The following PCLO variants were observed in gnomAD, a reference collection of about 807,000 sequenced individuals.
The protein encoded by PCLO is piccolo presynaptic cytomatrix protein.
PCLO carries 82 observed loss-of-function variants against 427.5 expected under a neutral mutation model. The ratio of observed to expected loss-of-function variants is 0.19; its 90% CI spans 0.16 to 0.23. The LOEUF is 0.23. Among genes scored for constraint, PCLO ranks in the 10% least tolerant of loss-of-function variants. The probability of loss-of-function intolerance (pLI) is 1.00; values close to 1 mark genes in which losing one functional copy is unlikely to be tolerated. For missense variants in PCLO, 6,239 were observed against 6,115.9 expected, an observed-to-expected ratio of 1.02 and a Z score of -0.67; for synonymous variants, 2,357 against 2,155.4, an observed-to-expected ratio of 1.09 and a Z score of -2.59.
At chr7:83,061,594 A>G (rs1479421120) in intron 3 of PCLO, among the ~76,000 whole-genome samples, 1 of 152,206 alleles carries the variant, frequency 6.6e-6, no homozygotes, top group East Asian at 1.9e-4. Flanking sequence ...AATTCTTTCT[A>G]TCACAAGTGG....
Position 82,955,980 on chromosome 7 carries a change from A to T in PCLO, c.4973T>A (p.Val1658Asp), listed in dbSNP as rs755899427. Residue 1658 changes from valine to aspartate, a missense_variant, in exon 5 of 25, where the codon GTT becomes GAT. Around this residue, in one of 5 missense-constraint regions of PCLO, gnomAD observed 4,677 missense variants for 4,468.4 expected, o/e 1.05. Transcript: ENST00000333891. ...TCGGCGTAGCCCTCCTCCTCCAGTA[A>T]CTACAAGTTCTTCACTTTCCTGACT... is the stretch of plus-strand genomic sequence containing the variant. Reference protein sequence around the residue: ...TKSQESEELVVTGGGGLRRFK... With the variant: ...TKSQESEELVDTGGGGLRRFK... 1.2e-6 allele frequency: 2 copies of T among 1,613,542 alleles called. No homozygotes were observed. Among genetic ancestry groups the T allele is most frequent in the Non-Finnish European group, 1.7e-6 (2 of 1,179,830 alleles).
rs779528885 is a variant in PCLO at position 82,997,433 on chromosome 7, T to A, written c.3301-30946A>T. Among the ~76,000 whole-genome samples the A allele has an allele frequency of 8.4e-4, 127 of 152,014 alleles. 1 individual carries two copies. Among genetic ancestry groups the A allele is most frequent in the Non-Finnish European group, 1.5e-3 (103 of 67,974 alleles). ...GTTTACAGAAAAAAATGGAAAAAAA[T>A]TACTTTTGTCTTTCTTGTTATGTTT... On this transcript the variant is annotated intron_variant, in intron 3 of 24. Coordinates refer to ENST00000333891, the MANE Select transcript of PCLO (RefSeq NM_033026.6).
intron 3 of PCLO, among the ~76,000 whole-genome samples, chr7:83,109,523 C>T (rs575460885): frequency 6.6e-6 from 1 of 152,242 alleles, no homozygotes; most frequent in South Asian, 2.1e-4. Flanking sequence ...AGCTGTCTGG[C>T]TTCATGGAAA....
chr7:82,951,748 G>C, intron 5 of PCLO, 108 bp downstream of exon 5: 1 of 1,438,828 alleles, frequency 7.0e-7, no homozygotes, highest in African/African-American at 1.4e-5. Flanking sequence ...TCCAAAGAAA[G>C]AGAAAAAGTA....
chr7:83,020,614 C>G (rs1788319944), intron 3 of PCLO, among the ~76,000 whole-genome samples: 2 of 152,050 alleles, frequency 1.3e-5, no homozygotes, highest in Admixed American at 6.6e-5. Context: ...AATGCTTGTG[C>G]CTTGATCTTG....
chr7:82,828,933 T>C (rs571155976), intron 16 of PCLO, among the ~76,000 whole-genome samples: 1 of 152,282 alleles, frequency 6.6e-6, no homozygotes, highest in African/African-American at 2.4e-5. Context: ...TCTTGACATG[T>C]GTCTGGATTT....
At chr7:83,035,646 T>A (rs1788775651) in intron 3 of PCLO, among the ~76,000 whole-genome samples, 1 of 152,170 alleles carries the variant, frequency 6.6e-6, no homozygotes, top group Non-Finnish European at 1.5e-5. Flanking sequence ...ACTAGTTACT[T>A]TATTAATCAA....
In PCLO at chr7:82,955,472, AG is replaced by A; in HGVS notation, c.5480del (p.Pro1827LeufsTer37). On this transcript the variant is annotated frameshift_variant, in exon 5 of 25. Coordinates refer to ENST00000333891, the MANE Select transcript of PCLO (RefSeq NM_033026.6). LOFTEE classifies it high-confidence loss of function. ...CATCTTCAATGGGAGAGAGATTACT[AG>A]GTGGTGTCTTTGGCCTTTCCCTTCT... ...QRRRERPKTP[P>X]SNLSPIEDAS... 1 of 1,613,692 alleles carries A rather than the reference AG, an allele frequency of 6.2e-7. No homozygotes were observed. Among genetic ancestry groups the A allele is most frequent in the Non-Finnish European group, 8.5e-7 (1 of 1,179,816 alleles).
intron 3 of PCLO, among the ~76,000 whole-genome samples, chr7:83,063,650 T>A (rs1187143800): frequency 6.6e-6 from 1 of 152,112 alleles, no homozygotes; most frequent in Non-Finnish European, 1.5e-5. Context: ...TGACTTAGGA[T>A]ACTTTCAACT....
chr7:83,145,574 G>T (rs75985524), intron 2 of PCLO, among the ~76,000 whole-genome samples: 3,108 of 152,152 alleles, frequency 0.02, 136 homozygotes, highest in African/African-American at 0.071. Flanking sequence ...CTGTGACTGT[G>T]CAAAAGTCAT....
intron 7 of PCLO, chr7:82,914,237 T>C: frequency 3.4e-6 from 1 of 289,936 alleles, no homozygotes; most frequent in Admixed American, 4.7e-5. Flanking sequence ...TAAATGATTT[T>C]CTATTACAAA....
intron 3 of PCLO, among the ~76,000 whole-genome samples, chr7:83,080,290 T>A (rs979503285): frequency 2.0e-5 from 3 of 152,150 alleles, no homozygotes; most frequent in African/African-American, 7.2e-5. Flanking sequence ...ATCTGAGGAA[T>A]CACCACACTG....
chr7:82,768,524 A>G (rs780642092), intron 22 of PCLO, among the ~76,000 whole-genome samples: 15 of 152,246 alleles, frequency 9.9e-5, no homozygotes, highest in South Asian at 4.1e-4. Context: ...TAATATGGCT[A>G]AAATATTTAT....
At chr7:83,023,410 T>C (rs778105710) in intron 3 of PCLO, among the ~76,000 whole-genome samples, 3 of 152,218 alleles carry the variant, frequency 2.0e-5, no homozygotes, top group Non-Finnish European at 2.9e-5. Flanking sequence ...TTCAATAATG[T>C]ATTCTAACAG....
chr7:82,830,316 A>C (rs1315310634), intron 16 of PCLO, among the ~76,000 whole-genome samples: 1 of 151,884 alleles, frequency 6.6e-6, no homozygotes, highest in African/African-American at 2.4e-5. Flanking sequence ...TGTTCCTTTA[A>C]ATTTAGTTTT....
chr7:82,805,086 C>CT (rs111966448), intron 21 of PCLO, among the ~76,000 whole-genome samples: 66,089 of 148,728 alleles, frequency 0.44, 15,705 homozygotes, highest in East Asian at 0.83. Context: ...TGCAAAATGA[C>CT]TTTTTTTTTA....
chr7:82,945,190 G>T (rs1016434450), intron 6 of PCLO, among the ~76,000 whole-genome samples: 2 of 151,974 alleles, frequency 1.3e-5, no homozygotes, highest in Non-Finnish European at 2.9e-5. Flanking sequence ...TTTTTACTCA[G>T]AGCTAAACAA....
chr7:83,112,211 C>T (rs992919281), intron 3 of PCLO, among the ~76,000 whole-genome samples: 1 of 152,110 alleles, frequency 6.6e-6, no homozygotes, highest in African/African-American at 2.4e-5. Context: ...GTGCCCGCCA[C>T]CACACCTGGC....
chr7:83,000,569 G>A (rs1787797947), intron 3 of PCLO, among the ~76,000 whole-genome samples: 1 of 151,970 alleles, frequency 6.6e-6, no homozygotes, highest in African/African-American at 2.4e-5. Context: ...TAGATCATCA[G>A]GCATTAGATT....
Sources: gnomAD v4.1 joint callset for allele counts (sites outside exome capture counted in the v4.1 genomes callset) on GRCh38, gnomAD v4.1.1 for gene constraint, gnomAD v4.1.1 regional missense constraint, MANE v1.5 for transcripts, NCBI Gene and HGNC (gene_info 2026-07-23, HGNC 2026-07-21) for gene names.